Variants in PCDHA4 observed in about 807,000 individuals in gnomAD.
PCDHA4 encodes the protein protocadherin alpha-4.
In PCDHA4, 49 loss-of-function variants were observed where a neutral mutation model predicts 61.4. That is an observed-to-expected ratio of 0.80 (90% CI 0.63 to 1.01). The LOEUF (loss-of-function observed/expected upper bound fraction) is 1.01, where lower values mean the gene tolerates loss of function less well. PCDHA4 is among the 50% of genes least tolerant of loss of function. The pLI, the probability that PCDHA4 is intolerant of heterozygous loss-of-function variation, is 0.00. For synonymous variants in PCDHA4, 590 were observed against 550.3 expected (o/e 1.07, Z -1.01); for missense variants, 1,254 against 1,235.8 (o/e 1.01, Z -0.22).
chr5:140,828,487 G>T (rs1554131330), intron 1 of PCDHA4: 4 of 1,614,106 alleles, frequency 2.5e-6, no homozygotes, highest in Non-Finnish European at 3.4e-6. Context: ...ACCCGCCCTT[G>T]TTCCCGGTAG....
chr5:140,888,620 C>T lies in PCDHA4; in HGVS notation c.2385+79048C>T, dbSNP rs183005411. Among the ~76,000 whole-genome samples the T allele has an allele frequency of 3.4e-3, 514 of 152,264 alleles. 3 individuals are homozygous for T. The highest frequency in any genetic ancestry group is 0.014 in the Middle Eastern group (4 of 294). On this transcript the variant is annotated intron_variant, in intron 1 of 3. Coordinates refer to ENST00000530339, the MANE Select transcript of PCDHA4 (RefSeq NM_018907.4). ...AGCAGCTTTTAGTGTAGCACTAATT[C>T]GGCCTTCTATTACAGCAATACTTTC...
rs1050286921 is a variant in PCDHA4, at chr5:140,879,863, C to G, written c.2385+70291C>G. Among the ~76,000 whole-genome samples, 24 of 152,218 alleles carry G rather than the reference C, an allele frequency of 1.6e-4. 1 individual carries two copies. Among genetic ancestry groups the G allele is most frequent in the Non-Finnish European group, 5.9e-5 (4 of 68,034 alleles). Reference sequence around the variant, plus strand: ...ACCACTCCCATCTCAGCCTTCTCAGCTTTCATGGTCACATTGCCTCCTCCT... The same window carrying G: ...ACCACTCCCATCTCAGCCTTCTCAGGTTTCATGGTCACATTGCCTCCTCCT... On this transcript the variant is annotated intron_variant, in intron 1 of 3. Coordinates refer to ENST00000530339, the MANE Select transcript of PCDHA4 (RefSeq NM_018907.4).
intron 1 of PCDHA4, chr5:140,858,280 G>C (rs782403060): frequency 3.1e-6 from 5 of 1,597,578 alleles, no homozygotes; most frequent in Non-Finnish European, 4.3e-6. Context: ...GCGCGGTGGG[G>C]AGCTGGTCTT....
chr5:140,927,340 G>C, intron 1 of PCDHA4: 1 of 1,614,030 alleles, frequency 6.2e-7, no homozygotes, highest in Non-Finnish European at 8.5e-7. Flanking sequence ...GAATGCCCAA[G>C]ATGACGACGA....
chr5:140,835,722 G>T, intron 1 of PCDHA4: 1 of 1,613,846 alleles, frequency 6.2e-7, no homozygotes. Context: ...GGAGGTGGCC[G>T]ACGTGAACGA....
chr5:140,973,850 T>G (rs767532771), intron 1 of PCDHA4, among the ~76,000 whole-genome samples: 25 of 152,176 alleles, frequency 1.6e-4, no homozygotes, highest in Admixed American at 5.2e-4. Flanking sequence ...TGCCTACCAA[T>G]TTTTGCTCTC....
At chr5:140,871,911 A>G (rs2053380850) in intron 1 of PCDHA4, among the ~76,000 whole-genome samples, 1 of 152,196 alleles carries the variant, frequency 6.6e-6, no homozygotes, top group Non-Finnish European at 1.5e-5. Flanking sequence ...TTTTGCCTTG[A>G]TATTTCCACA....
At position 140,845,853 on chromosome 5, in the gene PCDHA4, A is replaced by G. The variant is rs2150381879; in HGVS notation, c.2385+36281A>G. 1.3e-5 allele frequency among the ~76,000 whole-genome samples: 2 copies of G among 149,864 alleles called. 1 individual carries two copies. Among genetic ancestry groups the G allele is most frequent in the Non-Finnish European group, 3.0e-5 (2 of 66,956 alleles). ...TACCATTCTTAAGAGAAAAGAAGTT[A>G]GTGATTGCAGAAAGGCAACCTAAAA... On this transcript the variant is annotated intron_variant, in intron 1 of 3. Coordinates refer to ENST00000530339, the MANE Select transcript of PCDHA4 (RefSeq NM_018907.4).
intron 1 of PCDHA4, among the ~76,000 whole-genome samples, chr5:140,918,569 G>T (rs374823656): frequency 3.9e-5 from 6 of 152,136 alleles, no homozygotes; most frequent in African/African-American, 1.4e-4. Context: ...TGTATATTAT[G>T]CTGCTATTGG....
intron 1 of PCDHA4, among the ~76,000 whole-genome samples, chr5:140,889,267 A>T (rs1376262292): frequency 6.6e-6 from 1 of 151,966 alleles, no homozygotes; most frequent in Non-Finnish European, 1.5e-5. Context: ...AAGTTTGTAT[A>T]ATCTTTGAAT....
intron 1 of PCDHA4, among the ~76,000 whole-genome samples, chr5:140,944,623 T>G (rs535315515): frequency 2.0e-5 from 3 of 152,202 alleles, no homozygotes; most frequent in Non-Finnish European, 4.4e-5. Flanking sequence ...AGAAGTATAG[T>G]GTTGTAAGCC....
chr5:141,008,036 C>G (rs1372261299), intron 3 of PCDHA4, among the ~76,000 whole-genome samples: 1 of 151,938 alleles, frequency 6.6e-6, no homozygotes, highest in Non-Finnish European at 1.5e-5. Context: ...GTTAATCTGC[C>G]TTTTGTAACA....
chr5:140,879,101 A>G (rs2153365508), intron 1 of PCDHA4, among the ~76,000 whole-genome samples: 1 of 152,330 alleles, frequency 6.6e-6, no homozygotes, highest in East Asian at 1.9e-4. Context: ...TGCACAGTAT[A>G]TGGTGTAATT....
chr5:140,840,328 T>C lies in PCDHA4; in HGVS notation c.2385+30756T>C, dbSNP rs2150305844. ...TTTTAACTTTGGTCGACTCATTTTCTAGGCAATGTTAGGGTATACAGGTAA... is the reference window on the plus strand; with the variant it reads ...TTTTAACTTTGGTCGACTCATTTTCCAGGCAATGTTAGGGTATACAGGTAA... On this transcript the variant is annotated intron_variant, in intron 1 of 3. Transcript: ENST00000530339. Among the ~76,000 whole-genome samples, 12 of 152,150 alleles carry C rather than the reference T, an allele frequency of 7.9e-5. No individual in the cohort carries two copies. The South Asian group carries it at 2.5e-3, about 32-fold the overall frequency.
At position 140,809,568 on chromosome 5, in the gene PCDHA4, C is replaced by T; in HGVS notation, c.2381C>T (p.Ala794Val). The T allele has an allele frequency of 1.2e-6, 2 of 1,605,148 alleles. No homozygotes were observed. The highest frequency in any genetic ancestry group is 1.7e-6 in the Non-Finnish European group (2 of 1,175,134). The change falls in exon 1 of 4, where the codon GCA (alanine) becomes GTA (valine). Residue 794 changes from alanine to valine, a missense_variant. Physicochemically the swap from Ala to Val is moderately conservative, Grantham distance 64. Coordinates refer to ENST00000530339, the MANE Select transcript of PCDHA4 (RefSeq NM_018907.4). ...CTGCAGACAACTGAGGAATCCTTTG[C>T]AAAGGTTAGTGTATAACATCCTTTT... ...DQLQTTEESF[A>V]KPRQPNPDWR...
intron 1 of PCDHA4, among the ~76,000 whole-genome samples, chr5:140,941,551 G>A (rs1247023682): frequency 4.0e-5 from 6 of 151,616 alleles, no homozygotes; most frequent in Non-Finnish European, 8.8e-5. Flanking sequence ...TCCTGACCTC[G>A]TGATCCATTC....
chr5:140,822,325 A>G (rs1767274274), intron 1 of PCDHA4: 1 of 1,614,194 alleles, frequency 6.2e-7, no homozygotes, highest in Non-Finnish European at 8.5e-7. Flanking sequence ...TGTTAAAACA[A>G]ATGAAGAAGA....
intron 1 of PCDHA4, among the ~76,000 whole-genome samples, chr5:140,959,348 G>C (rs991931151): frequency 1.3e-5 from 2 of 152,110 alleles, no homozygotes; most frequent in Admixed American, 6.5e-5. Flanking sequence ...GCACTCCAGC[G>C]GGACAACTGA....
intron 1 of PCDHA4, chr5:140,928,202 A>G: frequency 6.2e-7 from 1 of 1,614,210 alleles, no homozygotes; most frequent in Non-Finnish European, 8.5e-7. Flanking sequence ...TCAGTTGCTG[A>G]TGTGAATGAC....
Sources: gnomAD v4.1 joint callset for allele counts (sites outside exome capture counted in the v4.1 genomes callset) on GRCh38, gnomAD v4.1.1 for gene constraint, MANE v1.5 for transcripts, NCBI Gene and HGNC (gene_info 2026-07-23, HGNC 2026-07-21) for gene names.